The following HECTD4 variants were observed in gnomAD, a reference collection of about 807,000 sequenced individuals.
HECTD4 encodes the protein HECT domain E3 ubiquitin protein ligase 4.
HECTD4 carries 114 observed loss-of-function variants against 471.5 expected under a neutral mutation model. The ratio of observed to expected loss-of-function variants is 0.24; its 90% CI spans 0.21 to 0.28. The LOEUF (loss-of-function observed/expected upper bound fraction) is 0.28. HECTD4 is among the 10% of genes least tolerant of loss of function. HECTD4 has a pLI of 1.00. For synonymous variants in HECTD4, 2,012 were observed against 2,256.0 expected (o/e 0.89, Z 3.07); for missense variants, 3,866 against 5,651.5 (o/e 0.68, Z 10.13).
At chr12:112,379,557 G>A (rs1664102629) in intron 1 of HECTD4, among the ~76,000 whole-genome samples, 1 of 152,068 alleles carries the variant, frequency 6.6e-6, no homozygotes, top group African/African-American at 2.4e-5. Flanking sequence ...AGCCCGGCAT[G>A]GTGGTGTATG....
chr12:112,278,254 A>C (rs950952655), intron 9 of HECTD4, among the ~76,000 whole-genome samples: 1 of 152,164 alleles, frequency 6.6e-6, no homozygotes, highest in Non-Finnish European at 1.5e-5. Flanking sequence ...GGGGTGACGG[A>C]TAGATTAGTG....
chr12:112,366,556 G>A (rs2036563492), intron 1 of HECTD4, among the ~76,000 whole-genome samples: 1 of 151,366 alleles, frequency 6.6e-6, no homozygotes, highest in South Asian at 2.1e-4. Context: ...AAAATTGCCT[G>A]TTGCTGGGCG....
At position 112,194,900 on chromosome 12, in the gene HECTD4, C is replaced by A; in HGVS notation, c.8734G>T (p.Ala2912Ser). ...CAAGTTTTACCTGGGAGAGGAGGTG[C>A]GAGGAGCTGATTGGACAGCAGTTGC... ...HLQLLSNQLL[A>S]PPLPDGTISS... Residue 2912 changes from alanine (A) to serine (S), a missense_variant, in exon 56 of 76, where the codon GCA becomes TCA. Ala to Ser is a moderately conservative substitution (Grantham distance 99, BLOSUM62 1). Transcript: ENST00000682272. The surrounding 1 kb of genome is among the most constrained non-coding windows in gnomAD (Gnocchi z 4.6). 6.2e-7 allele frequency: 1 copy of A among 1,606,446 alleles called. No homozygotes were observed. Among genetic ancestry groups the A allele is most frequent in the Non-Finnish European group, 8.5e-7 (1 of 1,176,646 alleles).
chr12:112,369,791 G>T (rs1042907013), intron 1 of HECTD4, among the ~76,000 whole-genome samples: 1 of 152,140 alleles, frequency 6.6e-6, no homozygotes, highest in Non-Finnish European at 1.5e-5. Context: ...TGTCACCAAT[G>T]ACCCAGCAAT....
Position 112,319,620 on chromosome 12 carries a change from C to A in HECTD4, c.300G>T (p.Leu100=), listed in dbSNP as rs537785906. 2,661 of 1,404,724 alleles carry A rather than the reference C, an allele frequency of 1.9e-3. 7 individuals carry two copies. The highest frequency in any genetic ancestry group is 2.0e-3 in the Non-Finnish European group (2,115 of 1,083,460). 87.0% of individuals were successfully genotyped at this position (1,404,724 alleles called of 1,614,324 possible). The part of the protein sequence containing the change: ...LEYRLNALRG[L]WNAQRQLALE... Reference sequence around the variant, plus strand: ...AGGCCAGCTGGCGCTGGGCATTCCACAGTCCTCGCAAGGCATTCAGGCGGT... The same window carrying A: ...AGGCCAGCTGGCGCTGGGCATTCCAAAGTCCTCGCAAGGCATTCAGGCGGT... The change falls in exon 2 of 76, where the codon CTG becomes CTT. Residue 100 remains leucine (L), a synonymous_variant. Transcript: ENST00000682272. The surrounding 1 kb of genome is among the most constrained non-coding windows in gnomAD (Gnocchi z 5.3).
chr12:112,216,963 C>G (rs766261926), intron 46 of HECTD4, 42 bp from the exon 47 acceptor site: 3 of 1,603,470 alleles, frequency 1.9e-6, no homozygotes, highest in Middle Eastern at 1.7e-4. Flanking sequence ...GAGGGCTAAT[C>G]CTGGGCCTGA....
intron 7 of HECTD4, among the ~76,000 whole-genome samples, chr12:112,300,891 T>C (rs1765325941): frequency 6.6e-6 from 1 of 151,868 alleles, no homozygotes; most frequent in South Asian, 2.1e-4. Context: ...TTTTTCTTTT[T>C]CTTTTTTTTT....
In HECTD4 at chr12:112,278,589, T is replaced by C. The variant is rs536411770; in HGVS notation, c.1687+639A>G. The stretch of plus-strand genomic sequence containing the variant: ...AATGGAGGTGTTTTACATATGTATT[T>C]TAATAGCTTTGAAATTCTATTGGCA... On this transcript the variant is annotated intron_variant, in intron 9 of 75. Coordinates refer to ENST00000682272, the MANE Select transcript of HECTD4 (RefSeq NM_001388303.1). Among the ~76,000 whole-genome samples, 8 of 152,374 alleles carry C rather than the reference T, an allele frequency of 5.3e-5. No individual in the cohort carries two copies. The South Asian group carries it at 1.2e-3, about 24-fold the overall frequency.
chr12:112,200,609 AC>A (rs760811857), intron 55 of HECTD4, 28 bp downstream of exon 55: 127 of 1,596,864 alleles, frequency 8.0e-5, no homozygotes, highest in Non-Finnish European at 1.0e-4. Flanking sequence ...GATTTCTGTG[AC>A]CCAGTAGAAA....
intron 2 of HECTD4, among the ~76,000 whole-genome samples, chr12:112,318,173 G>A (rs1238472490): frequency 1.3e-5 from 2 of 151,784 alleles, no homozygotes; most frequent in Non-Finnish European, 2.9e-5. Context: ...GCTGAGGCAG[G>A]AGAATCACTT....
At chr12:112,346,693 T>C (rs2036157907) in intron 1 of HECTD4, among the ~76,000 whole-genome samples, 2 of 152,186 alleles carry the variant, frequency 1.3e-5, no homozygotes, top group African/African-American at 4.8e-5. Flanking sequence ...CCATAGTTCT[T>C]GAATTTCTCC....
chr12:112,305,969 C>T lies in HECTD4; in HGVS notation c.1335+95G>A, dbSNP rs2285808. 43,950 of 1,147,894 alleles carry T rather than the reference C, an allele frequency of 0.038. 9,106 individuals are homozygous for T. In the East Asian group the frequency reaches 0.63, roughly 16 times the overall value. The allele number at this position is 1,147,894 out of a possible 1,614,324, so 71.1% of individuals were successfully genotyped here. A position where few individuals can be genotyped will look rare whatever the true frequency, so the allele number is the denominator to read the frequency against. On this transcript the variant is annotated intron_variant, in intron 7 of 75. Coordinates refer to ENST00000682272, the MANE Select transcript of HECTD4 (RefSeq NM_001388303.1). ...AAGGAAACACTGAACACACTATACA[C>T]GCTGCAAGGTTCTTAGGCCCTTTGC...
rs1258292619 is a variant in HECTD4 at position 112,243,298 on chromosome 12, T to G, written c.4958+55A>C. On this transcript the variant is annotated intron_variant, in intron 32 of 75. Coordinates refer to ENST00000682272, the MANE Select transcript of HECTD4 (RefSeq NM_001388303.1). This position sits in a 1 kb window ranked among gnomAD's most constrained non-coding sequence, Gnocchi z 6.6. ...TGTTTGGGTCCCAAGAATAATCTTT[T>G]GAATGGCTCTGACCATTCTAGAAAG... is the stretch of plus-strand genomic sequence containing the variant. The G allele has an allele frequency of 2.7e-6, 4 of 1,471,218 alleles. No individual in the cohort carries two copies. Among genetic ancestry groups the G allele is most frequent in the Non-Finnish European group, 3.7e-6 (4 of 1,077,000 alleles). The allele number at this position is 1,471,218 out of a possible 1,614,324, so 91.1% of individuals were successfully genotyped here. A position where few individuals can be genotyped will look rare whatever the true frequency, so the allele number is the denominator to read the frequency against.
intron 19 of HECTD4, 121 bp downstream of exon 19, chr12:112,258,988 CATT>C: frequency 1.2e-6 from 1 of 828,766 alleles, no homozygotes; most frequent in Non-Finnish European, 1.9e-6. Context: ...TTCATTCCAT[CATT>C]ATTTCCCTTG....
At chr12:112,280,332 T>C (rs1329049462) in intron 8 of HECTD4, among the ~76,000 whole-genome samples, 1 of 152,232 alleles carries the variant, frequency 6.6e-6, no homozygotes, top group Non-Finnish European at 1.5e-5. Flanking sequence ...CTTACTGGCA[T>C]ATCTAGAAAG....
intron 71 of HECTD4, 64 bp from the exon 72 acceptor site, chr12:112,167,602 T>A: frequency 7.6e-7 from 1 of 1,323,842 alleles, no homozygotes; most frequent in Non-Finnish European, 1.0e-6. Flanking sequence ...AGGGAACATG[T>A]GTTTCAAGCC....
intron 54 of HECTD4, 123 bp downstream of exon 54, chr12:112,203,513 C>G (rs903152196): frequency 1.2e-6 from 1 of 816,912 alleles, no homozygotes. Context: ...TGCTTTGTGT[C>G]TTCGTCCCTG....
intron 52 of HECTD4, 81 bp from the exon 53 acceptor site, chr12:112,204,704 A>G: frequency 9.2e-7 from 1 of 1,088,282 alleles, no homozygotes; most frequent in South Asian, 1.5e-5. Context: ...TGTAGAGTGA[A>G]ATGATAAGGG....
At position 112,381,350 on chromosome 12, in the gene HECTD4, T is replaced by C. The variant is rs906221813; in HGVS notation, c.177+602A>G. Among the ~76,000 whole-genome samples, 1 of 151,536 alleles carries C rather than the reference T, an allele frequency of 6.6e-6. No individual in the cohort carries two copies. The highest frequency in any genetic ancestry group is 2.4e-5 in the African/African-American group (1 of 41,224). ...ATGGAGGGCCGCTGGAGCATCCCTCTCGCTGTCCACAGCGCCCGCTTCCCT... is the reference window on the plus strand; with the variant it reads ...ATGGAGGGCCGCTGGAGCATCCCTCCCGCTGTCCACAGCGCCCGCTTCCCT... On this transcript the variant is annotated intron_variant, in intron 1 of 75. Transcript: ENST00000682272. The surrounding 1 kb of genome is among the most constrained non-coding windows in gnomAD (Gnocchi z 4.1).
Sources: allele counts gnomAD v4.1 joint callset (sites outside exome capture counted in the v4.1 genomes callset), GRCh38; gene constraint gnomAD v4.1.1; non-coding constraint Gnocchi (gnomAD v3.1); transcripts MANE v1.5; gene names NCBI Gene and HGNC (gene_info 2026-07-23, HGNC 2026-07-21).